FBP1: variants seen among roughly 807,000 people sequenced by gnomAD.
FBP1 encodes the protein fructose-1,6-bisphosphatase 1.
In FBP1, 22 loss-of-function variants were observed where a neutral mutation model predicts 29.9. The ratio of observed to expected loss-of-function variants is 0.74; its 90% CI spans 0.53 to 1.05. FBP1 has a LOEUF of 1.05. Among genes scored for constraint, FBP1 ranks in the 50% least tolerant of loss-of-function variants. FBP1 has a pLI of 0.00. For synonymous variants in FBP1, 175 were observed against 178.6 expected (o/e 0.98, Z 0.16); for missense variants, 345 against 448.2 (o/e 0.77, Z 2.08).
chr9:94,639,367 G>T lies in FBP1; in HGVS notation c.-57C>A. 1.3e-6 allele frequency: 2 copies of T among 1,561,492 alleles called. No individual in the cohort carries two copies. The highest frequency in any genetic ancestry group is 2.4e-5 in the East Asian group (1 of 42,262). On this transcript the variant is annotated 5_prime_UTR_variant, in exon 1 of 7. The change creates a new upstream start codon in the 5' untranslated region. Coordinates refer to ENST00000375326, the MANE Select transcript of FBP1 (RefSeq NM_000507.4). The stretch of plus-strand genomic sequence containing the variant: ...TGCAAGCGGCAGGTGCGGGGCTGCA[G>T]GTGCGGGCGGCAAGAGAGGGCAGTA...
chr9:94,630,965 A>G (rs1320872430), intron 1 of FBP1, among the ~76,000 whole-genome samples: 1 of 152,096 alleles, frequency 6.6e-6, no homozygotes, highest in Non-Finnish European at 1.5e-5. Flanking sequence ...GGATTGGGGG[A>G]AGGGGAGGTA....
In FBP1 at chr9:94,603,426, G is replaced by A. The variant is rs561592691; in HGVS notation, c.972C>T (p.Asp324=). Residue 324 remains aspartate, a synonymous_variant, in exon 7 of 7, where the codon GAC becomes GAT. Transcript: ENST00000375326. ...CATACACCTTCAGGAACTCGAGCACGTCGTCGGGGGATCCCAAGATCACCG... is the reference window on the plus strand; with the variant it reads ...CATACACCTTCAGGAACTCGAGCACATCGTCGGGGGATCCCAAGATCACCG... The part of the protein sequence containing the change: ...RAPVILGSPD[D]VLEFLKVYEK... 4 of 1,614,064 alleles carry A rather than the reference G, an allele frequency of 2.5e-6. No homozygotes were observed. Among genetic ancestry groups the A allele is most frequent in the Non-Finnish European group, 3.4e-6 (4 of 1,179,984 alleles).
chr9:94,633,594 C>G (rs1828142871), intron 1 of FBP1, among the ~76,000 whole-genome samples: 1 of 152,228 alleles, frequency 6.6e-6, no homozygotes, highest in South Asian at 2.1e-4. Flanking sequence ...CTGTGACCTC[C>G]AGCCTGAACT....
chr9:94,621,834 C>A (rs1827955108), intron 1 of FBP1, among the ~76,000 whole-genome samples: 1 of 152,014 alleles, frequency 6.6e-6, no homozygotes, highest in Admixed American at 6.6e-5. Context: ...GAGTTGCGAG[C>A]CAAGCCAAGG....
intron 1 of FBP1, among the ~76,000 whole-genome samples, chr9:94,635,049 A>G (rs965861614): frequency 7.3e-6 from 1 of 137,304 alleles, no homozygotes; most frequent in Non-Finnish European, 1.5e-5. Flanking sequence ...AGATTGCACC[A>G]CTGCACACCA....
intron 1 of FBP1, among the ~76,000 whole-genome samples, chr9:94,631,862 T>C (rs956180025): frequency 6.6e-6 from 1 of 152,052 alleles, no homozygotes; most frequent in Non-Finnish European, 1.5e-5. Flanking sequence ...GGTTCAGAAA[T>C]ACATTGAAGA....
At chr9:94,623,457 G>A (rs1827976989) in intron 1 of FBP1, among the ~76,000 whole-genome samples, 2 of 152,216 alleles carry the variant, frequency 1.3e-5, no homozygotes, top group African/African-American at 4.8e-5. Context: ...CCCCCACGCG[G>A]CTGTCAGAGG....
At chr9:94,630,633 AGTG>A (rs1367497421) in intron 1 of FBP1, among the ~76,000 whole-genome samples, 6 of 152,224 alleles carry the variant, frequency 3.9e-5, no homozygotes, top group Non-Finnish European at 7.3e-5. Context: ...ATACAGGTAA[AGTG>A]GTCAGAAAAG....
intron 3 of FBP1, among the ~76,000 whole-genome samples, chr9:94,613,506 C>G (rs1563981562): frequency 6.7e-6 from 1 of 149,728 alleles, no homozygotes; most frequent in South Asian, 2.1e-4. Flanking sequence ...GGCTCATGCC[C>G]GTAATCCCAA....
At chr9:94,621,511 G>A (rs28369695) in intron 1 of FBP1, among the ~76,000 whole-genome samples, 11 of 152,244 alleles carry the variant, frequency 7.2e-5, no homozygotes, top group East Asian at 3.9e-4. Context: ...TCTTCACCTC[G>A]AACCTGTCAT....
intron 2 of FBP1, among the ~76,000 whole-genome samples, chr9:94,618,143 C>G (rs1827891092): frequency 6.6e-6 from 1 of 151,970 alleles, no homozygotes; most frequent in Admixed American, 6.6e-5. Flanking sequence ...ATAATCAAAT[C>G]ATAATTTTGC....
At chr9:94,605,244 C>T (rs1827679281) in intron 6 of FBP1, among the ~76,000 whole-genome samples, 1 of 152,184 alleles carries the variant, frequency 6.6e-6, no homozygotes. Flanking sequence ...TTCTCTTTTG[C>T]CATAGCACTG....
At chr9:94,613,576 G>A (rs542669989) in intron 3 of FBP1, among the ~76,000 whole-genome samples, 1 of 152,010 alleles carries the variant, frequency 6.6e-6, no homozygotes, top group South Asian at 2.1e-4. Context: ...ACCAGCCTGG[G>A]AAACATAGCG....
chr9:94,608,378 C>CT (rs1444853012), intron 4 of FBP1, among the ~76,000 whole-genome samples: 1 of 152,184 alleles, frequency 6.6e-6, no homozygotes, highest in Non-Finnish European at 1.5e-5. Context: ...GGGCAAAAGA[C>CT]TATCAAACAC....
intron 1 of FBP1, among the ~76,000 whole-genome samples, chr9:94,636,691 C>T (rs563747870): frequency 6.6e-6 from 1 of 151,552 alleles, no homozygotes; most frequent in African/African-American, 2.4e-5. Flanking sequence ...ATGACAAGCC[C>T]TTTTTTTTCT....
At chr9:94,636,140 C>G (rs964248449) in intron 1 of FBP1, among the ~76,000 whole-genome samples, 1 of 151,984 alleles carries the variant, frequency 6.6e-6, no homozygotes, top group African/African-American at 2.4e-5. Context: ...ATGAGTGCAA[C>G]ATAGTATTTC....
chr9:94,613,312 G>A (rs1310549545), intron 3 of FBP1, among the ~76,000 whole-genome samples: 1 of 152,140 alleles, frequency 6.6e-6, no homozygotes. Context: ...TATTGGGAGG[G>A]CAGAAACACT....
At chr9:94,630,905 T>G (rs1160371030) in intron 1 of FBP1, among the ~76,000 whole-genome samples, 1 of 152,114 alleles carries the variant, frequency 6.6e-6, no homozygotes, top group Non-Finnish European at 1.5e-5. Flanking sequence ...GGCAGCCACA[T>G]GACAATAGAG....
intron 3 of FBP1, among the ~76,000 whole-genome samples, chr9:94,616,110 G>A (rs1420651112): frequency 2.6e-5 from 4 of 152,138 alleles, no homozygotes; most frequent in Non-Finnish European, 4.4e-5. Flanking sequence ...TTACAGGCGT[G>A]AGCCATCTCG....
Sources: allele counts gnomAD v4.1 joint callset (sites outside exome capture counted in the v4.1 genomes callset), GRCh38; gene constraint gnomAD v4.1.1; transcripts MANE v1.5; gene names NCBI Gene and HGNC (gene_info 2026-07-23, HGNC 2026-07-21).